Variants in TTC28 observed in about 807,000 individuals in gnomAD.
TTC28 encodes tetratricopeptide repeat protein 28.
In TTC28, 61 loss-of-function variants were observed where a neutral mutation model predicts 198.0. The observed-to-expected ratio is 0.31, with a 90% CI of 0.25 to 0.38. The LOEUF (loss-of-function observed/expected upper bound fraction) is 0.38, where lower values mean the gene tolerates loss of function less well. Among genes scored for constraint, TTC28 ranks in the 10% least tolerant of loss-of-function variants. The pLI is 1.00. For synonymous variants in TTC28, 1,171 were observed against 1,297.8 expected, an observed-to-expected ratio of 0.90 and a Z score of 2.10; for missense variants, 2,678 against 3,164.0, an observed-to-expected ratio of 0.85 and a Z score of 3.69.
chr22:28,256,998 C>T (rs146145762), intron 5 of TTC28, among the ~76,000 whole-genome samples: 3 of 152,304 alleles, frequency 2.0e-5, no homozygotes, highest in Admixed American at 6.5e-5. Context: ...TATGATCACA[C>T]CACTATACTC....
chr22:28,203,534 A>C (rs1926150406), intron 5 of TTC28, among the ~76,000 whole-genome samples: 1 of 152,074 alleles, frequency 6.6e-6, no homozygotes, highest in Non-Finnish European at 1.5e-5. Flanking sequence ...GTCTTTGTGA[A>C]TTTTTATGAA....
chr22:28,204,097 G>C (rs1569196420), intron 5 of TTC28, among the ~76,000 whole-genome samples: 1 of 151,994 alleles, frequency 6.6e-6, no homozygotes, highest in Non-Finnish European at 1.5e-5. Flanking sequence ...CCTTCCCATA[G>C]GGGCACTCTC....
At chr22:28,012,071 C>T (rs1938186405) in intron 14 of TTC28, among the ~76,000 whole-genome samples, 1 of 152,130 alleles carries the variant, frequency 6.6e-6, no homozygotes, top group Admixed American at 6.5e-5. Flanking sequence ...AAATGCAGGC[C>T]TCAGGGCGAG....
At chr22:28,414,456 C>A (rs915778681) in intron 2 of TTC28, among the ~76,000 whole-genome samples, 1 of 152,152 alleles carries the variant, frequency 6.6e-6, no homozygotes, top group Non-Finnish European at 1.5e-5. Context: ...ATTCTATCAA[C>A]TGAGAAGTCA....
At chr22:28,286,651 T>C (rs999410697) in intron 5 of TTC28, among the ~76,000 whole-genome samples, 1 of 152,088 alleles carries the variant, frequency 6.6e-6, no homozygotes, top group Admixed American at 6.6e-5. Flanking sequence ...TATGTAATGA[T>C]AAAACTATAA....
At chr22:28,281,684 A>G (rs147559820) in intron 5 of TTC28, among the ~76,000 whole-genome samples, 152 of 152,352 alleles carry the variant, frequency 1.0e-3, no homozygotes, top group Admixed American at 5.2e-4. Context: ...CACTGTATAC[A>G]CTAGAAATTT....
rs550717685 is a variant in TTC28, at chr22:28,474,873, A to G, written c.381+154679T>C. Among the ~76,000 whole-genome samples, 10 of 152,334 alleles carry G rather than the reference A, an allele frequency of 6.6e-5. No individual in the cohort carries two copies. In the East Asian group the frequency reaches 1.9e-3, roughly 29 times the overall value. ...ATCTAATATAAAAGGCAGGCACCAA[A>G]GCAAACAAAAAAAAGTAATTTGGGG... is the stretch of plus-strand genomic sequence containing the variant. On this transcript the variant is annotated intron_variant, in intron 2 of 22. Transcript: ENST00000397906.
intron 16 of TTC28, 165 bp from the exon 17 acceptor site, chr22:27,996,424 G>T: frequency 1.1e-6 from 1 of 934,164 alleles, no homozygotes; most frequent in Non-Finnish European, 1.6e-6. Context: ...TCACTGGATG[G>T]TGATGTGGCA....
chr22:28,071,257 A>C (rs1940956192), intron 12 of TTC28, among the ~76,000 whole-genome samples: 2 of 152,228 alleles, frequency 1.3e-5, no homozygotes, highest in South Asian at 4.1e-4. Flanking sequence ...ACTATAAATC[A>C]TGCTGCTATA....
chr22:28,103,351 A>C (rs1320824114), intron 8 of TTC28, among the ~76,000 whole-genome samples: 2 of 152,218 alleles, frequency 1.3e-5, no homozygotes, highest in Non-Finnish European at 2.9e-5. Flanking sequence ...CTCCCTCCAC[A>C]GCACCTGGAG....
chr22:28,662,380 A>G (rs1232075825), intron 1 of TTC28, among the ~76,000 whole-genome samples: 1 of 152,234 alleles, frequency 6.6e-6, no homozygotes, highest in African/African-American at 2.4e-5. Context: ...CAGATTCCAG[A>G]GCCAGGCTGC....
At chr22:28,537,399 A>G (rs374401732) in intron 2 of TTC28, among the ~76,000 whole-genome samples, 1 of 151,966 alleles carries the variant, frequency 6.6e-6, no homozygotes, top group African/African-American at 2.4e-5. Context: ...ACACAAAGAC[A>G]TATGAGAATT....
At chr22:28,536,617 C>A (rs1453965083) in intron 2 of TTC28, among the ~76,000 whole-genome samples, 1 of 151,968 alleles carries the variant, frequency 6.6e-6, no homozygotes, top group Admixed American at 6.6e-5. Context: ...GAGCGAGACT[C>A]CGTCTCAAAA....
intron 2 of TTC28, among the ~76,000 whole-genome samples, chr22:28,626,131 C>T (rs2051073550): frequency 6.6e-6 from 1 of 151,922 alleles, no homozygotes; most frequent in Non-Finnish European, 1.5e-5. Context: ...TTAAATAGGA[C>T]ATAAAAAGAA....
chr22:28,648,179 G>A (rs1322680971), intron 1 of TTC28, among the ~76,000 whole-genome samples: 11 of 147,638 alleles, frequency 7.5e-5, no homozygotes, highest in East Asian at 4.0e-4. Flanking sequence ...AGCCAAGATC[G>A]TGCTACTGCA....
chr22:28,588,050 G>A (rs1438817185), intron 2 of TTC28, among the ~76,000 whole-genome samples: 2 of 151,692 alleles, frequency 1.3e-5, no homozygotes, highest in Non-Finnish European at 2.9e-5. Context: ...GCTGAGGCAG[G>A]AGAATGGCGT....
chr22:28,451,400 C>G (rs1435524455), intron 2 of TTC28, among the ~76,000 whole-genome samples: 1 of 152,154 alleles, frequency 6.6e-6, no homozygotes, highest in Non-Finnish European at 1.5e-5. Flanking sequence ...AAATCCAGCA[C>G]TCAATGAAAA....
chr22:28,318,135 C>G (rs1046019848), intron 2 of TTC28, among the ~76,000 whole-genome samples: 1 of 150,590 alleles, frequency 6.6e-6, no homozygotes, highest in Non-Finnish European at 1.5e-5. Flanking sequence ...GTCTCAAACT[C>G]CTGGACTCAA....
intron 5 of TTC28, among the ~76,000 whole-genome samples, chr22:28,172,034 C>T (rs1328358776): frequency 2.0e-5 from 3 of 152,182 alleles, no homozygotes; most frequent in Non-Finnish European, 1.5e-5. Flanking sequence ...TCCTCTACTT[C>T]AGTAGTTGGC....
Sources: gnomAD v4.1 joint callset for allele counts (sites outside exome capture counted in the v4.1 genomes callset) on GRCh38, gnomAD v4.1.1 for gene constraint, MANE v1.5 for transcripts, NCBI Gene and HGNC (gene_info 2026-07-23, HGNC 2026-07-21) for gene names.